PTPRG: variants seen among roughly 807,000 people sequenced by gnomAD.
PTPRG encodes the protein receptor-type tyrosine-protein phosphatase gamma.
PTPRG carries 102 observed loss-of-function variants against 165.3 expected under a neutral mutation model. The observed-to-expected ratio is 0.62, with a 90% CI of 0.53 to 0.73. PTPRG has a LOEUF of 0.73. Ranked by LOEUF, PTPRG falls within the 30% of genes least tolerant of loss-of-function variation. PTPRG has a pLI of 0.00. For synonymous variants in PTPRG, 675 were observed against 669.5 expected (o/e 1.01, Z -0.13); for missense variants, 1,866 against 1,861.4 (o/e 1.00, Z -0.05).
At chr3:61,594,814 C>T (rs1430333056) in intron 1 of PTPRG, among the ~76,000 whole-genome samples, 6 of 152,076 alleles carry the variant, frequency 3.9e-5, no homozygotes, top group Admixed American at 2.6e-4. Context: ...ATCAATAAAG[C>T]GTAACTGAGA....
At chr3:61,736,032 C>A (rs560443743) in intron 1 of PTPRG, among the ~76,000 whole-genome samples, 10 of 151,914 alleles carry the variant, frequency 6.6e-5, no homozygotes, top group Admixed American at 2.0e-4. Context: ...CTCAGATTCC[C>A]GAGTAGCTGG....
At chr3:61,889,111 C>A (rs184116041) in intron 2 of PTPRG, among the ~76,000 whole-genome samples, 1 of 152,086 alleles carries the variant, frequency 6.6e-6, no homozygotes, top group Non-Finnish European at 1.5e-5. Flanking sequence ...TGTGTAAATA[C>A]CATATTTTTC....
intron 1 of PTPRG, among the ~76,000 whole-genome samples, chr3:61,596,809 C>T (rs1215157316): frequency 6.6e-6 from 1 of 151,924 alleles, no homozygotes; most frequent in African/African-American, 2.4e-5. Context: ...TATGTTTACT[C>T]TTATTCCCTA....
chr3:61,902,291 A>G (rs890102442), intron 2 of PTPRG, among the ~76,000 whole-genome samples: 9 of 152,208 alleles, frequency 5.9e-5, no homozygotes, highest in Non-Finnish European at 1.2e-4. Flanking sequence ...GTGGGAGAAC[A>G]TGCTGAGAGC....
chr3:61,836,244 G>T (rs559494648), intron 2 of PTPRG, among the ~76,000 whole-genome samples: 1 of 152,090 alleles, frequency 6.6e-6, no homozygotes, highest in African/African-American at 2.4e-5. Context: ...TTAGGCCTTT[G>T]TTATAGAACA....
At chr3:61,676,145 A>C (rs1703206898) in intron 1 of PTPRG, among the ~76,000 whole-genome samples, 1 of 152,136 alleles carries the variant, frequency 6.6e-6, no homozygotes, top group South Asian at 2.1e-4. Context: ...ACAATCATGA[A>C]AAATCTTTGT....
intron 2 of PTPRG, among the ~76,000 whole-genome samples, chr3:61,761,222 G>A (rs536112812): frequency 6.6e-6 from 1 of 152,264 alleles, no homozygotes; most frequent in East Asian, 1.9e-4. Context: ...CACCAACAGT[G>A]TAAAAGCATT....
chr3:61,983,446 C>A (rs1048281641), intron 2 of PTPRG, among the ~76,000 whole-genome samples: 2 of 152,010 alleles, frequency 1.3e-5, no homozygotes, highest in South Asian at 4.1e-4. Flanking sequence ...TTGAGAGAGG[C>A]ATTAATAAGC....
At chr3:62,035,430 A>G (rs1699909219) in intron 4 of PTPRG, among the ~76,000 whole-genome samples, 1 of 151,916 alleles carries the variant, frequency 6.6e-6, no homozygotes, top group East Asian at 1.9e-4. Flanking sequence ...TTCTAACAAT[A>G]ATGCATTAAA....
At chr3:61,844,888 A>C (rs928352480) in intron 2 of PTPRG, among the ~76,000 whole-genome samples, 1 of 152,224 alleles carries the variant, frequency 6.6e-6, no homozygotes, top group African/African-American at 2.4e-5. Flanking sequence ...GAATGGTTAG[A>C]TAGTAATAGG....
chr3:61,871,837 G>C (rs2037594114), intron 2 of PTPRG, among the ~76,000 whole-genome samples: 1 of 152,160 alleles, frequency 6.6e-6, no homozygotes, highest in African/African-American at 2.4e-5. Context: ...AAGGAGATCA[G>C]TTGCTCCCTC....
chr3:61,600,746 G>A (rs1219359909), intron 1 of PTPRG, among the ~76,000 whole-genome samples: 2 of 151,996 alleles, frequency 1.3e-5, no homozygotes, highest in Non-Finnish European at 2.9e-5. Context: ...TCCCAGTGTT[G>A]CCGAGGCTGG....
At chr3:62,248,045 T>G (rs998783165) in intron 15 of PTPRG, among the ~76,000 whole-genome samples, 1 of 152,076 alleles carries the variant, frequency 6.6e-6, no homozygotes, top group Non-Finnish European at 1.5e-5. Flanking sequence ...TGGTCTCACC[T>G]AACACTTATG....
At chr3:61,699,852 A>G (rs1317868453) in intron 1 of PTPRG, among the ~76,000 whole-genome samples, 2 of 152,246 alleles carry the variant, frequency 1.3e-5, no homozygotes, top group Non-Finnish European at 2.9e-5. Context: ...AATGATTTGC[A>G]TAAAACTGAA....
intron 2 of PTPRG, among the ~76,000 whole-genome samples, chr3:61,901,256 A>G (rs2038492113): frequency 6.6e-6 from 1 of 152,352 alleles, no homozygotes; most frequent in South Asian, 2.1e-4. Context: ...TTTCATACAG[A>G]TAACACAGTA....
intron 2 of PTPRG, among the ~76,000 whole-genome samples, chr3:61,812,546 A>G (rs2035618234): frequency 6.6e-6 from 1 of 152,216 alleles, no homozygotes; most frequent in Admixed American, 6.5e-5. Flanking sequence ...ATAGAGGTTG[A>G]AGATTATTTG....
At chr3:61,779,480 G>A (rs891228921) in intron 2 of PTPRG, among the ~76,000 whole-genome samples, 2 of 152,170 alleles carry the variant, frequency 1.3e-5, no homozygotes, top group Middle Eastern at 3.4e-3. Flanking sequence ...ACTTGACCCC[G>A]GGGAGATAGG....
intron 3 of PTPRG, among the ~76,000 whole-genome samples, chr3:62,002,821 CT>C (rs1559740183): frequency 6.6e-6 from 1 of 152,220 alleles, no homozygotes; most frequent in Non-Finnish European, 1.5e-5. Context: ...TGTCTTCCCA[CT>C]TACTGTTGCC....
In PTPRG at chr3:61,584,952, A is replaced by G. The variant is rs572445002; in HGVS notation, c.85+22580A>G. Among the ~76,000 whole-genome samples the G allele has an allele frequency of 1.8e-4, 28 of 152,244 alleles. No individual in the cohort carries two copies. The South Asian group carries it at 5.8e-3, about 32-fold the overall frequency. On this transcript the variant is annotated intron_variant, in intron 1 of 29. Coordinates refer to ENST00000474889, the MANE Select transcript of PTPRG (RefSeq NM_002841.4). ...CACGTTTCTTCATAAATTTTTCACT[A>G]ATTATTGAAGTATAGCAAATGTTCG...
Sources: allele counts gnomAD v4.1 joint callset (sites outside exome capture counted in the v4.1 genomes callset), GRCh38; gene constraint gnomAD v4.1.1; transcripts MANE v1.5; gene names NCBI Gene and HGNC (gene_info 2026-07-23, HGNC 2026-07-21).